The following NCKAP1 variants were observed in gnomAD, a reference collection of about 807,000 sequenced individuals.
NCKAP1 encodes nck-associated protein 1.
A neutral mutation model predicts 151.2 loss-of-function variants in NCKAP1; 21 were observed. That is an observed-to-expected ratio of 0.14 (90% CI 0.10 to 0.20). NCKAP1 has a LOEUF of 0.20. NCKAP1 is among the 10% of genes least tolerant of loss of function. The probability of loss-of-function intolerance (pLI) is 1.00; values close to 1 mark genes in which losing one functional copy is unlikely to be tolerated. For missense variants in NCKAP1, 933 were observed against 1,352.1 expected (o/e 0.69, Z 4.86); for synonymous variants, 484 against 451.8 (o/e 1.07, Z -0.90).
chr2:182,992,780 A>G (rs913111362), intron 8 of NCKAP1, among the ~76,000 whole-genome samples: 17 of 152,286 alleles, frequency 1.1e-4, no homozygotes, highest in Admixed American at 1.0e-3. Flanking sequence ...ATCAGTCCAT[A>G]ATGAGACTAA....
intron 18 of NCKAP1, among the ~76,000 whole-genome samples, chr2:182,959,708 A>G (rs2105830042): frequency 6.6e-6 from 1 of 152,302 alleles, no homozygotes; most frequent in East Asian, 1.9e-4. Flanking sequence ...CACCACTCCT[A>G]TTCAACACAG....
rs375573432 is a variant in NCKAP1 at position 182,934,792 on chromosome 2, T to C, written c.2819A>G (p.Glu940Gly). 6 of 1,486,436 alleles carry C rather than the reference T, an allele frequency of 4.0e-6. No individual in the cohort carries two copies. The African/African-American group carries it at 5.5e-5, about 14-fold the overall frequency. The allele number at this position is 1,486,436 out of a possible 1,614,324, so 92.1% of individuals were successfully genotyped here. A position where few individuals can be genotyped will look rare whatever the true frequency, so the allele number is the denominator to read the frequency against. The change falls in exon 26 of 31, where the codon GAA (glutamate) becomes GGA (glycine). Residue 940 changes from glutamate to glycine, a missense_variant. Around this residue, in one of 2 missense-constraint regions of NCKAP1, gnomAD observed 326 missense variants for 557.1 expected, o/e 0.59. Transcript: ENST00000361354. Reference protein sequence around the residue: ...YHIPFLVSSIEDFKDHIPRET... With the variant: ...YHIPFLVSSIGDFKDHIPRET... Reference sequence around the variant, plus strand: ...CCTTGGAATGTGATCCTTAAAATCTTCAATTGAACTTACAAGAAAAGGAAT... The same window carrying C: ...CCTTGGAATGTGATCCTTAAAATCTCCAATTGAACTTACAAGAAAAGGAAT...
At chr2:183,022,349 C>T (rs1239391052) in intron 2 of NCKAP1, among the ~76,000 whole-genome samples, 1 of 152,134 alleles carries the variant, frequency 6.6e-6, no homozygotes, top group Non-Finnish European at 1.5e-5. Context: ...AGTATATAAT[C>T]TCTCAGATGA....
intron 21 of NCKAP1, 44 bp downstream of exon 21, chr2:182,953,069 T>C: frequency 6.5e-7 from 1 of 1,541,016 alleles, no homozygotes; most frequent in Non-Finnish European, 8.8e-7. Flanking sequence ...AAGTACTTCA[T>C]TACAAATTTT....
At chr2:182,987,724 A>G (rs1266432627) in intron 9 of NCKAP1, among the ~76,000 whole-genome samples, 1 of 152,222 alleles carries the variant, frequency 6.6e-6, no homozygotes, top group African/African-American at 2.4e-5. Flanking sequence ...GAAAATGACA[A>G]AGCCCATCTT....
At chr2:182,992,121 G>A (rs1698181618) in intron 8 of NCKAP1, among the ~76,000 whole-genome samples, 1 of 152,162 alleles carries the variant, frequency 6.6e-6, no homozygotes, top group Non-Finnish European at 1.5e-5. Context: ...CCTAGGTGTT[G>A]CTGATGTTGC....
At chr2:183,013,261 C>T (rs1189869938) in intron 2 of NCKAP1, among the ~76,000 whole-genome samples, 3 of 152,060 alleles carry the variant, frequency 2.0e-5, no homozygotes, top group African/African-American at 4.8e-5. Flanking sequence ...TTTGATATCT[C>T]CACTCAGATT....
intron 15 of NCKAP1, among the ~76,000 whole-genome samples, chr2:182,975,351 A>G (rs537308539): frequency 6.6e-6 from 1 of 152,274 alleles, no homozygotes; most frequent in African/African-American, 2.4e-5. Context: ...TTTTATTTAT[A>G]AAAGTCTTCA....
chr2:182,962,444 T>C (rs1160560941), intron 17 of NCKAP1, among the ~76,000 whole-genome samples, 166 bp from the exon 18 acceptor site: 3 of 152,074 alleles, frequency 2.0e-5, no homozygotes, highest in Non-Finnish European at 2.9e-5. Context: ...TAACTCACCA[T>C]ACTGTATTTG....
chr2:182,988,253 T>A (rs1476378287), intron 9 of NCKAP1, among the ~76,000 whole-genome samples: 1 of 152,208 alleles, frequency 6.6e-6, no homozygotes, highest in African/African-American at 2.4e-5. Context: ...TTAAAATATC[T>A]AGAAGTTTTA....
intron 10 of NCKAP1, among the ~76,000 whole-genome samples, chr2:182,983,598 G>A (rs1697985822): frequency 6.6e-6 from 1 of 151,942 alleles, no homozygotes; most frequent in Non-Finnish European, 1.5e-5. Flanking sequence ...TGTTTCTTTT[G>A]TTATTCTCCA....
At chr2:183,026,074 C>T (rs138970790) in intron 1 of NCKAP1, among the ~76,000 whole-genome samples, 3,866 of 152,244 alleles carry the variant, frequency 0.025, 68 homozygotes, top group Non-Finnish European at 0.037. Flanking sequence ...TATGTGTGTG[C>T]GTATGTGTGT....
rs34581087 is a variant in NCKAP1 at position 183,036,819 on chromosome 2, G to GA, written c.108+1172dup. 2.4e-3 allele frequency among the ~76,000 whole-genome samples: 327 copies of GA among 138,222 alleles called. 2 individuals are homozygous for GA. The Middle Eastern group carries it at 0.038, about 16-fold the overall frequency. 90.7% of individuals were successfully genotyped at this position (138,222 alleles called of 152,430 possible). On this transcript the variant is annotated intron_variant, in intron 1 of 30. Transcript: ENST00000361354. ...AAACGCTTGGAAATGAATTTCCAAA[G>GA]AAAAAAAAAAAAACCTTTCTTCAGA...
intron 20 of NCKAP1, among the ~76,000 whole-genome samples, chr2:182,954,408 A>G (rs1697282105): frequency 6.6e-6 from 1 of 152,172 alleles, no homozygotes. Context: ...ATCTGTAAAG[A>G]TCTTAGACTT....
chr2:182,983,619 T>G (rs1356144421), intron 10 of NCKAP1, among the ~76,000 whole-genome samples: 1 of 152,198 alleles, frequency 6.6e-6, no homozygotes, highest in Non-Finnish European at 1.5e-5. Flanking sequence ...TCTATCAAAA[T>G]CCTACCCAAC....
At chr2:182,929,350 GAATAT>G (rs1156677877) in intron 27 of NCKAP1, among the ~76,000 whole-genome samples, 1 of 151,894 alleles carries the variant, frequency 6.6e-6, no homozygotes, top group African/African-American at 2.4e-5. Flanking sequence ...AAAGAGATAT[GAATAT>G]AATTTGAAAT....
At chr2:182,994,931 A>G in intron 7 of NCKAP1, 44 bp from the exon 8 acceptor site, 1 of 1,496,258 alleles carries the variant, frequency 6.7e-7, no homozygotes, top group Non-Finnish European at 9.3e-7. Context: ...AGAAATTCTA[A>G]AAAATATTCC....
intron 26 of NCKAP1, among the ~76,000 whole-genome samples, chr2:182,934,092 C>G (rs1363368970): frequency 6.6e-6 from 1 of 151,918 alleles, no homozygotes; most frequent in Non-Finnish European, 1.5e-5. Context: ...CTATCTTAAA[C>G]TTATTGAATT....
intron 13 of NCKAP1, 152 bp from the exon 14 acceptor site, chr2:182,979,067 T>C: frequency 2.3e-6 from 1 of 443,400 alleles, no homozygotes; most frequent in Non-Finnish European, 4.1e-6. Context: ...ACACACACCA[T>C]AACACGAATC....
Sources: allele counts gnomAD v4.1 joint callset (sites outside exome capture counted in the v4.1 genomes callset), GRCh38; gene constraint gnomAD v4.1.1; regional missense constraint gnomAD v4.1.1; transcripts MANE v1.5; gene names NCBI Gene and HGNC (gene_info 2026-07-23, HGNC 2026-07-21).